The following NKAIN3 variants were observed in gnomAD, a reference collection of about 807,000 sequenced individuals.
The protein encoded by NKAIN3 is sodium/potassium-transporting ATPase subunit beta-1-interacting protein 3.
A neutral mutation model predicts 30.2 loss-of-function variants in NKAIN3; 25 were observed. The ratio of observed to expected loss-of-function variants is 0.83; its 90% CI spans 0.60 to 1.16. The LOEUF is 1.16. Ranked by LOEUF, NKAIN3 falls within the 50% of genes most tolerant of loss-of-function variation. NKAIN3 has a pLI of 0.00. For synonymous variants in NKAIN3, 91 were observed against 89.6 expected (o/e 1.02, Z -0.09); for missense variants, 225 against 254.1 (o/e 0.89, Z 0.78).
chr8:62,283,582 T>C (rs1314584214), intron 1 of NKAIN3, among the ~76,000 whole-genome samples: 3 of 152,166 alleles, frequency 2.0e-5, no homozygotes, highest in Non-Finnish European at 4.4e-5. Flanking sequence ...ATTGAAGTTA[T>C]ATACCATATT....
intron 1 of NKAIN3, among the ~76,000 whole-genome samples, chr8:62,474,914 T>C (rs964044098): frequency 8.5e-5 from 13 of 152,196 alleles, no homozygotes; most frequent in African/African-American, 3.1e-4. Context: ...TTAAAATTTC[T>C]TACAGTATGT....
intron 1 of NKAIN3, among the ~76,000 whole-genome samples, chr8:62,396,037 A>C (rs1250208542): frequency 1.3e-5 from 2 of 152,194 alleles, no homozygotes; most frequent in Admixed American, 6.5e-5. Context: ...TTGAAGAAAA[A>C]AGAGGTTTTT....
intron 1 of NKAIN3, among the ~76,000 whole-genome samples, chr8:62,332,598 G>A (rs577091845): frequency 2.0e-5 from 3 of 152,198 alleles, no homozygotes; most frequent in African/African-American, 4.8e-5. Context: ...ACTGCAGTCC[G>A]AGAAGGTTAG....
chr8:62,301,801 C>T (rs371344202), intron 1 of NKAIN3, among the ~76,000 whole-genome samples: 2 of 152,110 alleles, frequency 1.3e-5, no homozygotes, highest in Non-Finnish European at 2.9e-5. Flanking sequence ...TTGAATCAGC[C>T]TTTCAAAGAA....
chr8:62,299,543 A>G (rs945355507), intron 1 of NKAIN3, among the ~76,000 whole-genome samples: 1 of 152,160 alleles, frequency 6.6e-6, no homozygotes, highest in Non-Finnish European at 1.5e-5. Flanking sequence ...ACAATGGTTA[A>G]CTCAAATGAA....
rs184587468 is a variant in NKAIN3 at position 62,963,926 on chromosome 8, G to T, written c.604-1428G>T. Among the ~76,000 whole-genome samples, 73 of 152,296 alleles carry T rather than the reference G, an allele frequency of 4.8e-4. No individual in the cohort carries two copies. In the Middle Eastern group the frequency reaches 0.017, roughly 35 times the overall value. ...AGTAAAACTTTTGGGAAATTTTTCA[G>T]CCATTCCAAATTATAACCAAAGAGT... On this transcript the variant is annotated intron_variant, in intron 6 of 6. Transcript: ENST00000623646.
At chr8:62,549,724 ACTCTTTTTCT>A (rs1407359288) in intron 1 of NKAIN3, among the ~76,000 whole-genome samples, 1 of 150,096 alleles carries the variant, frequency 6.7e-6, no homozygotes, top group Non-Finnish European at 1.5e-5. Flanking sequence ...TCTATCTCCT[ACTCTTTTTCT>A]CTCTTAAATA....
intron 1 of NKAIN3, among the ~76,000 whole-genome samples, chr8:62,452,321 C>G (rs1426688649): frequency 6.6e-6 from 1 of 151,884 alleles, no homozygotes; most frequent in Non-Finnish European, 1.5e-5. Flanking sequence ...ACTAAAAATA[C>G]AAAAATTAGG....
At chr8:62,843,298 CT>C (rs991536780) in intron 4 of NKAIN3, among the ~76,000 whole-genome samples, 17 of 150,454 alleles carry the variant, frequency 1.1e-4, no homozygotes, top group Admixed American at 2.0e-4. Flanking sequence ...CGTCTTTTTT[CT>C]TTTTTTAATT....
chr8:62,688,150 G>A (rs1813853790), intron 3 of NKAIN3, among the ~76,000 whole-genome samples: 1 of 152,136 alleles, frequency 6.6e-6, no homozygotes, highest in African/African-American at 2.4e-5. Context: ...TTCCTCATAA[G>A]AGAGTGCATT....
At chr8:62,621,678 G>A (rs1811622016) in intron 3 of NKAIN3, among the ~76,000 whole-genome samples, 1 of 152,020 alleles carries the variant, frequency 6.6e-6, no homozygotes, top group South Asian at 2.1e-4. Context: ...AGAAGATCTT[G>A]TGTACCCTTT....
intron 1 of NKAIN3, among the ~76,000 whole-genome samples, chr8:62,490,673 A>C (rs1017659776): frequency 1.3e-5 from 2 of 152,150 alleles, no homozygotes; most frequent in Non-Finnish European, 2.9e-5. Flanking sequence ...TGTGTCTCAT[A>C]AAGTGTAAGA....
At chr8:62,280,083 C>T (rs146047097) in intron 1 of NKAIN3, among the ~76,000 whole-genome samples, 5,055 of 152,182 alleles carry the variant, frequency 0.033, 309 homozygotes, top group African/African-American at 0.12. Flanking sequence ...TTGAAGAGGT[C>T]CTTCACGTCC....
chr8:62,953,397 A>G (rs1823337339), intron 5 of NKAIN3, among the ~76,000 whole-genome samples: 1 of 152,244 alleles, frequency 6.6e-6, no homozygotes, highest in Non-Finnish European at 1.5e-5. Context: ...TTACTCTGCC[A>G]TTAGGGAGGA....
At chr8:62,394,714 G>GGA in intron 1 of NKAIN3, among the ~76,000 whole-genome samples, 1 of 147,410 alleles carries the variant, frequency 6.8e-6, no homozygotes, top group East Asian at 2.1e-4. Flanking sequence ...GGGCGGCCAA[G>GGA]CAGAGGTGCT....
chr8:62,718,788 C>T (rs969786114), intron 3 of NKAIN3, among the ~76,000 whole-genome samples: 1 of 151,180 alleles, frequency 6.6e-6, no homozygotes, highest in Non-Finnish European at 1.5e-5. Flanking sequence ...TTTTGGTTTT[C>T]TCTAATTCTT....
chr8:62,694,110 T>G (rs1362386447), intron 3 of NKAIN3, among the ~76,000 whole-genome samples: 2 of 152,182 alleles, frequency 1.3e-5, no homozygotes, highest in Non-Finnish European at 2.9e-5. Context: ...TTCTAGCTAT[T>G]TTGAGATACA....
At chr8:62,405,958 C>A (rs1434019488) in intron 1 of NKAIN3, among the ~76,000 whole-genome samples, 1 of 152,184 alleles carries the variant, frequency 6.6e-6, no homozygotes, top group African/African-American at 2.4e-5. Flanking sequence ...GGCTGTAAAT[C>A]ATTTTTAAAC....
At chr8:62,664,593 T>C (rs565604900) in intron 3 of NKAIN3, among the ~76,000 whole-genome samples, 1 of 152,304 alleles carries the variant, frequency 6.6e-6, no homozygotes, top group South Asian at 2.1e-4. Context: ...GGAATCCTGA[T>C]ATTACTGCAA....
Sources: allele counts gnomAD v4.1 joint callset (sites outside exome capture counted in the v4.1 genomes callset), GRCh38; gene constraint gnomAD v4.1.1; transcripts MANE v1.5; gene names NCBI Gene and HGNC (gene_info 2026-07-23, HGNC 2026-07-21).